EVC2: variants seen among roughly 807,000 people sequenced by gnomAD.
EVC2 encodes the protein EvC ciliary complex subunit 2.
Under a neutral mutation model 149.3 loss-of-function variants are expected in EVC2, and 148 were observed. The ratio of observed to expected loss-of-function variants is 0.99; its 90% CI spans 0.87 to 1.14. EVC2 has a LOEUF of 1.14. Ranked by LOEUF, EVC2 falls within the 50% of genes most tolerant of loss-of-function variation. The pLI, the probability that EVC2 is intolerant of heterozygous loss-of-function variation, is 0.00. For missense variants in EVC2, 1,854 were observed against 1,627.3 expected (o/e 1.14, Z -2.40); for synonymous variants, 776 against 649.9 (o/e 1.19, Z -2.95).
chr4:5,645,375 C>T (rs1356805667), intron 9 of EVC2, among the ~76,000 whole-genome samples: 1 of 151,574 alleles, frequency 6.6e-6, no homozygotes, highest in East Asian at 1.9e-4. Context: ...AAGCCTAATA[C>T]CCATTAGTTA....
chr4:5,572,061 T>C (rs1722675317), intron 19 of EVC2, among the ~76,000 whole-genome samples: 1 of 152,206 alleles, frequency 6.6e-6, no homozygotes, highest in African/African-American at 2.4e-5. Flanking sequence ...TCAATAAATC[T>C]CTTTCTCTAC....
At chr4:5,697,986 C>T (rs1721591505) in intron 1 of EVC2, among the ~76,000 whole-genome samples, 1 of 152,062 alleles carries the variant, frequency 6.6e-6, no homozygotes, top group African/African-American at 2.4e-5. Context: ...CTCCTGACCT[C>T]GTGATCCGCC....
downstream of EVC2, among the ~76,000 whole-genome samples, chr4:5,539,492 A>AAAAC (rs1157378932): frequency 2.0e-5 from 3 of 152,218 alleles, no homozygotes; most frequent in African/African-American, 7.2e-5. Flanking sequence ...CTTACTTTGC[A>AAAAC]AAAGAAAAAA....
chr4:5,628,370 C>T (rs1716272928), intron 12 of EVC2, among the ~76,000 whole-genome samples, 189 bp downstream of exon 12: 2 of 152,172 alleles, frequency 1.3e-5, no homozygotes, highest in Admixed American at 6.5e-5. Context: ...CTTCTTCCCA[C>T]ATGATGCCCT....
intron 21 of EVC2, among the ~76,000 whole-genome samples, chr4:5,555,332 T>C (rs1006123551): frequency 1.3e-5 from 2 of 152,198 alleles, no homozygotes; most frequent in South Asian, 2.1e-4. Flanking sequence ...AAAATGTGAA[T>C]GGACTAAAAA....
intron 16 of EVC2, among the ~76,000 whole-genome samples, chr4:5,595,117 G>A (rs1012025941): frequency 1.3e-5 from 2 of 152,190 alleles, no homozygotes; most frequent in Non-Finnish European, 2.9e-5. Flanking sequence ...ATGACGGGGA[G>A]AATGGAAACA....
the EVC2 span, among the ~76,000 whole-genome samples, chr4:5,530,801 G>C: frequency 6.6e-6 from 1 of 152,100 alleles, no homozygotes; most frequent in Non-Finnish European, 1.5e-5. Context: ...GTAGGTCTGG[G>C]TTCAATTCAT....
Position 5,640,346 on chromosome 4 carries a change from A to ATGGT in EVC2, c.1470+164_1470+167dup. 6.6e-6 allele frequency among the ~76,000 whole-genome samples: 1 copy of ATGGT among 151,972 alleles called. No individual in the cohort carries two copies. Among genetic ancestry groups the ATGGT allele is most frequent in the East Asian group, 1.9e-4 (1 of 5,150 alleles). ...AGATGATGATGGATGGACGGTGGGA[A>ATGGT]TGGTTGGATGAATGAATGGAAGGAT... On this transcript the variant is annotated intron_variant, in intron 10 of 21. Coordinates refer to ENST00000344408, the MANE Select transcript of EVC2 (RefSeq NM_147127.5). This position sits in a 1 kb window ranked among gnomAD's most constrained non-coding sequence, Gnocchi z 4.6.
At chr4:5,621,275 G>C (rs1433660191) in intron 14 of EVC2, among the ~76,000 whole-genome samples, 1 of 152,218 alleles carries the variant, frequency 6.6e-6, no homozygotes, top group African/African-American at 2.4e-5. Flanking sequence ...CAGATCCTAT[G>C]TCCATTAAAG....
intron 9 of EVC2, among the ~76,000 whole-genome samples, chr4:5,654,141 G>C (rs1020307396): frequency 2.6e-5 from 4 of 152,198 alleles, no homozygotes; most frequent in Admixed American, 6.5e-5. Flanking sequence ...TTGAACCTAG[G>C]AGGCGGAGGT....
chr4:5,675,953 C>G (rs1719958350), intron 7 of EVC2, among the ~76,000 whole-genome samples: 1 of 152,162 alleles, frequency 6.6e-6, no homozygotes, highest in Non-Finnish European at 1.5e-5. Context: ...TTAAGAACAA[C>G]AAAAACAAAA....
chr4:5,662,927 T>A (rs1718995673), intron 9 of EVC2, among the ~76,000 whole-genome samples, 180 bp downstream of exon 9: 1 of 151,676 alleles, frequency 6.6e-6, no homozygotes, highest in African/African-American at 2.4e-5. Flanking sequence ...AGGAAGTATG[T>A]CATCTACACC....
chr4:5,615,726 C>G (rs2108829388), intron 15 of EVC2, among the ~76,000 whole-genome samples, 182 bp from the exon 16 acceptor site: 1 of 152,290 alleles, frequency 6.6e-6, no homozygotes, highest in South Asian at 2.1e-4. Context: ...GTTTCAGAGC[C>G]TTTGATCTTC....
intron 8 of EVC2, 135 bp downstream of exon 8, chr4:5,665,380 G>T: frequency 7.5e-7 from 1 of 1,326,450 alleles, no homozygotes; most frequent in Non-Finnish European, 1.1e-6. Flanking sequence ...TTGGAGGTGG[G>T]CCCTGGGCAT....
chr4:5,543,546 CA>C (rs546567881), intron 21 of EVC2, among the ~76,000 whole-genome samples: 317 of 152,162 alleles, frequency 2.1e-3, no homozygotes, highest in Non-Finnish European at 3.9e-3. Context: ...AAATACATTA[CA>C]AATAAAAACC....
chr4:5,585,836 C>A (rs1024634536), intron 16 of EVC2, among the ~76,000 whole-genome samples: 1 of 151,766 alleles, frequency 6.6e-6, no homozygotes, highest in Admixed American at 6.6e-5. Flanking sequence ...TCATACGGTA[C>A]ATATTTTTTT....
chr4:5,610,623 C>T (rs190233246), intron 16 of EVC2, among the ~76,000 whole-genome samples: 5 of 152,104 alleles, frequency 3.3e-5, no homozygotes, highest in Admixed American at 2.6e-4. Flanking sequence ...GGTGCCAAGA[C>T]AGGCTCAGGG....
In EVC2 at chr4:5,688,043, G is replaced by A. The variant is rs549184424; in HGVS notation, c.706+1114C>T. ...GCTCCATGCTCCATGCTTTGAACAC[G>A]AGTTAAGAATAGCGGATTCATCTTT... On this transcript the variant is annotated intron_variant, in intron 5 of 21. Transcript: ENST00000344408. Among the ~76,000 whole-genome samples the A allele has an allele frequency of 1.2e-4, 19 of 152,246 alleles. No individual in the cohort carries two copies. The South Asian group carries it at 3.3e-3, about 27-fold the overall frequency.
At chr4:5,646,081 G>A (rs567803701) in intron 9 of EVC2, among the ~76,000 whole-genome samples, 132 of 152,230 alleles carry the variant, frequency 8.7e-4, no homozygotes, top group African/African-American at 3.2e-3. Context: ...ACAGGCGTGT[G>A]CCACCACGTC....
Sources: gnomAD v4.1 joint callset for allele counts (sites outside exome capture counted in the v4.1 genomes callset) on GRCh38, gnomAD v4.1.1 for gene constraint, Gnocchi (gnomAD v3.1) non-coding constraint, MANE v1.5 for transcripts, NCBI Gene and HGNC (gene_info 2026-07-23, HGNC 2026-07-21) for gene names.